The following SYCP2L variants were observed in gnomAD, a reference collection of about 807,000 sequenced individuals.
SYCP2L encodes synaptonemal complex protein 2-like.
In SYCP2L, 98 loss-of-function variants were observed where a neutral mutation model predicts 125.8. The observed-to-expected ratio is 0.78, with a 90% CI of 0.66 to 0.92. The LOEUF (loss-of-function observed/expected upper bound fraction) is 0.92. SYCP2L is among the 40% of genes least tolerant of loss of function. The pLI is 0.00. For synonymous variants in SYCP2L, 317 were observed against 325.4 expected, an observed-to-expected ratio of 0.97 and a Z score of 0.28; for missense variants, 842 against 936.4, an observed-to-expected ratio of 0.90 and a Z score of 1.32.
chr6:10,958,763 G>A lies in SYCP2L; in HGVS notation c.2164-21G>A. ...TAATTATATTAAATGTGATCATCTT[G>A]TTATTGTTGTTATGATTTAGCTTAG... On this transcript the variant is annotated intron_variant, in intron 25 of 29. Coordinates refer to ENST00000283141, the MANE Select transcript of SYCP2L (RefSeq NM_001040274.3). 1.9e-6 allele frequency: 3 copies of A among 1,594,768 alleles called. No homozygotes were observed. The South Asian group carries it at 3.4e-5, about 18-fold the overall frequency.
At position 10,963,848 on chromosome 6, in the gene SYCP2L, G is replaced by A; in HGVS notation, c.*37+5G>A. ...TTTTATGATTGCAGCCCTCAGGTAGGTGCAAAGATTTGCATTGTTCAGTGG... is the reference window on the plus strand; with the variant it reads ...TTTTATGATTGCAGCCCTCAGGTAGATGCAAAGATTTGCATTGTTCAGTGG... On this transcript the variant is annotated splice_donor_5th_base_variant and intron_variant, in intron 29 of 29. Coordinates refer to ENST00000283141, the MANE Select transcript of SYCP2L (RefSeq NM_001040274.3). 1 of 1,611,448 alleles carries A rather than the reference G, an allele frequency of 6.2e-7. No individual in the cohort carries two copies. Among genetic ancestry groups the A allele is most frequent in the Non-Finnish European group, 8.5e-7 (1 of 1,177,778 alleles).
intron 4 of SYCP2L, among the ~76,000 whole-genome samples, chr6:10,895,019 G>T (rs1382693481): frequency 6.6e-6 from 1 of 152,182 alleles, no homozygotes; most frequent in Non-Finnish European, 1.5e-5. Flanking sequence ...TACCCCCTCA[G>T]GAGAGAAAGC....
At chr6:10,957,821 T>G (rs987945971) in intron 25 of SYCP2L, among the ~76,000 whole-genome samples, 3 of 152,028 alleles carry the variant, frequency 2.0e-5, no homozygotes, top group African/African-American at 7.2e-5. Context: ...TGTCTCTATT[T>G]TTTTTAAAAA....
At chr6:10,935,533 CT>C (rs1190627417) in intron 21 of SYCP2L, among the ~76,000 whole-genome samples, 2 of 150,768 alleles carry the variant, frequency 1.3e-5, no homozygotes, top group African/African-American at 4.9e-5. Context: ...TTTTTCTTTT[CT>C]TTTTTTTTGA....
intron 23 of SYCP2L, among the ~76,000 whole-genome samples, chr6:10,947,403 A>G (rs1781334474): frequency 6.6e-6 from 1 of 152,070 alleles, no homozygotes; most frequent in South Asian, 2.1e-4. Context: ...ATATTAAACC[A>G]TCCCACACAA....
chr6:10,950,113 T>C (rs898199956), intron 23 of SYCP2L, among the ~76,000 whole-genome samples: 3 of 152,228 alleles, frequency 2.0e-5, no homozygotes, highest in Admixed American at 2.0e-4. Context: ...GAGCACTAAC[T>C]TCAATCACAT....
At chr6:10,952,312 G>C (rs1781425450) in intron 23 of SYCP2L, among the ~76,000 whole-genome samples, 1 of 152,178 alleles carries the variant, frequency 6.6e-6, no homozygotes, top group South Asian at 2.1e-4. Context: ...CACGAGCACT[G>C]CCACTTCGAA....
chr6:10,958,502 C>T (rs933482557), intron 25 of SYCP2L, among the ~76,000 whole-genome samples: 1 of 152,080 alleles, frequency 6.6e-6, no homozygotes, highest in Non-Finnish European at 1.5e-5. Flanking sequence ...CTTCCAGTAT[C>T]GGGGATTACA....
intron 12 of SYCP2L, among the ~76,000 whole-genome samples, chr6:10,911,894 C>CTTTCCTTT (rs377600077): frequency 2.0e-5 from 1 of 50,018 alleles, no homozygotes; most frequent in Non-Finnish European, 3.7e-5. Context: ...GGAATAAAAG[C>CTTTCCTTT]TTTTTTTTTT....
intron 4 of SYCP2L, among the ~76,000 whole-genome samples, chr6:10,895,227 C>T (rs1451041355): frequency 6.6e-6 from 1 of 152,164 alleles, no homozygotes; most frequent in African/African-American, 2.4e-5. Context: ...CAGAGATGTC[C>T]TAAGTGTACC....
chr6:10,926,459 A>G (rs1403918270), intron 16 of SYCP2L, 27 bp downstream of exon 16: 9 of 1,564,792 alleles, frequency 5.8e-6, no homozygotes, highest in Non-Finnish European at 7.9e-6. Context: ...CAAAATTCTG[A>G]CCCTGAGTTT....
intron 29 of SYCP2L, among the ~76,000 whole-genome samples, chr6:10,964,318 T>C (rs1040972820): frequency 3.3e-5 from 5 of 152,154 alleles, no homozygotes; most frequent in African/African-American, 1.2e-4. Flanking sequence ...TCTGGGTCAT[T>C]CCTTCAGTAA....
At chr6:10,928,615 C>T (rs112345189) in intron 18 of SYCP2L, among the ~76,000 whole-genome samples, 165 bp downstream of exon 18, 6 of 152,248 alleles carry the variant, frequency 3.9e-5, no homozygotes, top group African/African-American at 9.6e-5. Flanking sequence ...CATAGCTCAC[C>T]GTGGCCTCAG....
Position 10,905,553 on chromosome 6 carries a change from A to C in SYCP2L, c.642-467A>C, listed in dbSNP as rs144773780. ...GTGATCTGCCCGTCTCGGCCTCCCA[A>C]ACTGCTGGGATTACAGGCGTGAGCC... is the stretch of plus-strand genomic sequence containing the variant. On this transcript the variant is annotated intron_variant, in intron 8 of 29. Transcript: ENST00000283141. 0.012 allele frequency among the ~76,000 whole-genome samples: 1,811 copies of C among 152,232 alleles called. 84 individuals are homozygous for C. In the East Asian group the frequency reaches 0.16, roughly 14 times the overall value.
At chr6:10,894,625 C>T (rs1329515242) in intron 4 of SYCP2L, among the ~76,000 whole-genome samples, 1 of 152,154 alleles carries the variant, frequency 6.6e-6, no homozygotes, top group South Asian at 2.1e-4. Context: ...TTTTCTAAAC[C>T]TTGGATGAAT....
At chr6:10,890,123 C>G (rs1048517816) in intron 1 of SYCP2L, among the ~76,000 whole-genome samples, 1 of 152,212 alleles carries the variant, frequency 6.6e-6, no homozygotes, top group African/African-American at 2.4e-5. Context: ...CTGATGGACA[C>G]TTAAGTTGAT....
At chr6:10,891,627 G>A in intron 2 of SYCP2L, 46 bp downstream of exon 2, 3 of 392,640 alleles carry the variant, frequency 7.6e-6, no homozygotes, top group South Asian at 3.0e-5. Flanking sequence ...GTGTGTGTGT[G>A]TGTGTGTGTG....
chr6:10,891,660 T>C, intron 2 of SYCP2L, 79 bp downstream of exon 2: 1 of 860,872 alleles, frequency 1.2e-6, no homozygotes, highest in Non-Finnish European at 1.8e-6. Context: ...TGTGTGTGTG[T>C]GTGTATGTGT....
chr6:10,958,715 A>G, intron 25 of SYCP2L, 69 bp from the exon 26 acceptor site: 2 of 1,401,572 alleles, frequency 1.4e-6, no homozygotes, highest in Non-Finnish European at 2.0e-6. Context: ...TCTTTTTAAC[A>G]CAAAGCATGC....
Sources: gnomAD v4.1 joint callset for allele counts (sites outside exome capture counted in the v4.1 genomes callset) on GRCh38, gnomAD v4.1.1 for gene constraint, MANE v1.5 for transcripts, NCBI Gene and HGNC (gene_info 2026-07-23, HGNC 2026-07-21) for gene names.